Variants in CAMTA1 observed in about 807,000 individuals in gnomAD.
CAMTA1 encodes calmodulin-binding transcription activator 1.
A neutral mutation model predicts 170.9 loss-of-function variants in CAMTA1; 27 were observed. That is an observed-to-expected ratio of 0.16 (90% confidence interval 0.12 to 0.22). CAMTA1 has a LOEUF of 0.22. Ranked by LOEUF, CAMTA1 falls within the 10% of genes least tolerant of loss-of-function variation. CAMTA1 has a pLI of 1.00. For synonymous variants in CAMTA1, 833 were observed against 891.5 expected, an observed-to-expected ratio of 0.93 and a Z score of 1.17; for missense variants, 1,619 against 2,217.2, an observed-to-expected ratio of 0.73 and a Z score of 5.42.
chr1:6,820,184 G>A lies in CAMTA1; in HGVS notation c.49G>A (p.Val17Ile), dbSNP rs572304401. ...ATTTTATTTTCTGTTTCCTTAGAGCGTTTCCCAAAGTGTATTCTGCGGAAC... is the reference window on the plus strand; with the variant it reads ...ATTTTATTTTCTGTTTCCTTAGAGCATTTCCCAAAGTGTATTCTGCGGAAC... ...KWLPKTSRKS[V>I]SQSVFCGTST... is the part of the protein sequence containing the mutation. The change falls in exon 2 of 23, where the codon GTT becomes ATT. Residue 17 changes from valine (V) to isoleucine (I), a missense_variant. This residue lies in a region of CAMTA1 where 61 missense variants were observed against 57.7 expected (regional missense o/e 1.06). Transcript: ENST00000303635. 7.1e-5 allele frequency: 109 copies of A among 1,537,306 alleles called. 2 individuals are homozygous for A. In the South Asian group the frequency reaches 1.1e-3, roughly 16 times the overall value.
rs1641708604 is a variant in CAMTA1 at position 7,093,403 on chromosome 1, T to C, written c.302+2032T>C. On this transcript the variant is annotated intron_variant, in intron 4 of 22. Transcript: ENST00000303635. The surrounding 1 kb of genome is among the most constrained non-coding windows in gnomAD (Gnocchi z 4.6). Reference sequence around the variant, plus strand: ...TCCTGACTTCCAAGGGTGGCCCTTATCTCAAGCAGCCGCCAGCCTCTCCTT... The same window carrying C: ...TCCTGACTTCCAAGGGTGGCCCTTACCTCAAGCAGCCGCCAGCCTCTCCTT... 6.6e-6 allele frequency among the ~76,000 whole-genome samples: 1 copy of C among 152,100 alleles called. No individual in the cohort carries two copies. The highest frequency in any genetic ancestry group is 2.4e-5 in the African/African-American group (1 of 41,432).
chr1:7,051,709 G>GTTTGCCAGGACAGACTCATCCCTT, intron 3 of CAMTA1, among the ~76,000 whole-genome samples: 1 of 152,116 alleles, frequency 6.6e-6, no homozygotes, highest in South Asian at 2.1e-4. Flanking sequence ...ACTCATCCCT[G>GTTTGCCAGGACAGACTCATCCCTT]TTTGCCAGGA....
intron 3 of CAMTA1, among the ~76,000 whole-genome samples, chr1:6,830,677 C>T (rs900263827): frequency 1.3e-5 from 2 of 151,996 alleles, no homozygotes; most frequent in South Asian, 2.1e-4. Flanking sequence ...TTATGTATTA[C>T]AATATAAACT....
intron 6 of CAMTA1, among the ~76,000 whole-genome samples, chr1:7,505,592 G>C (rs952591590): frequency 2.0e-5 from 3 of 152,190 alleles, no homozygotes; most frequent in African/African-American, 4.8e-5. Context: ...GGGACCTGGC[G>C]GTGCCCCAGG....
At chr1:7,040,894 C>T (rs1704345469) in intron 3 of CAMTA1, among the ~76,000 whole-genome samples, 1 of 152,064 alleles carries the variant, frequency 6.6e-6, no homozygotes, top group Non-Finnish European at 1.5e-5. Flanking sequence ...CCCAGCTAAT[C>T]TTTGTTTTTA....
rs1376126043 is a variant in CAMTA1, at chr1:7,050,834, T to C, written c.235-40470T>C. Reference sequence around the variant, plus strand: ...AAGAGGGGACTCTGGGAAGGAGAAATGGGAACATCACACTGGGGTATTTAT... The same window carrying C: ...AAGAGGGGACTCTGGGAAGGAGAAACGGGAACATCACACTGGGGTATTTAT... On this transcript the variant is annotated intron_variant, in intron 3 of 22. Transcript: ENST00000303635. The surrounding 1 kb of genome is among the most constrained non-coding windows in gnomAD (Gnocchi z 4.8). 6.6e-6 allele frequency among the ~76,000 whole-genome samples: 1 copy of C among 151,936 alleles called. No homozygotes were observed. Among genetic ancestry groups the C allele is most frequent in the Admixed American group, 6.5e-5 (1 of 15,270 alleles).
At chr1:7,045,740 C>T (rs906474739) in intron 3 of CAMTA1, among the ~76,000 whole-genome samples, 3 of 152,188 alleles carry the variant, frequency 2.0e-5, no homozygotes, top group South Asian at 2.1e-4. Flanking sequence ...TTAAAAGTCT[C>T]CTCTTGAAGA....
chr1:7,414,534 G>A (rs1315426237), intron 5 of CAMTA1, among the ~76,000 whole-genome samples: 2 of 152,154 alleles, frequency 1.3e-5, no homozygotes, highest in Non-Finnish European at 2.9e-5. Context: ...AGATTTTCTA[G>A]TTTATTTGCG....
chr1:7,704,193 G>A (rs2096477374), intron 11 of CAMTA1, among the ~76,000 whole-genome samples: 1 of 148,394 alleles, frequency 6.7e-6, no homozygotes, highest in Non-Finnish European at 1.5e-5. Flanking sequence ...GGCCGCGCAG[G>A]GAGCCCGAGC....
chr1:7,150,529 C>A (rs533883112), intron 4 of CAMTA1, among the ~76,000 whole-genome samples: 2 of 152,186 alleles, frequency 1.3e-5, no homozygotes, highest in African/African-American at 4.8e-5. Context: ...CCATCCTGGG[C>A]ATGGAAGCAT....
At chr1:7,655,592 CT>C (rs1161741055) in intron 7 of CAMTA1, among the ~76,000 whole-genome samples, 6 of 79,424 alleles carry the variant, frequency 7.6e-5, no homozygotes, top group South Asian at 4.7e-4. Context: ...ACAAACACCC[CT>C]ATACACACAC....
At chr1:7,660,298 C>T (rs1272733121) in intron 7 of CAMTA1, among the ~76,000 whole-genome samples, 2 of 152,336 alleles carry the variant, frequency 1.3e-5, no homozygotes. Context: ...AACTCCTGAC[C>T]TCAGGTGATC....
intron 6 of CAMTA1, among the ~76,000 whole-genome samples, chr1:7,490,801 G>A (rs554413086): frequency 2.3e-3 from 347 of 152,310 alleles, no homozygotes; most frequent in African/African-American, 8.0e-3. Flanking sequence ...TTGTCAGGCC[G>A]AGATCCTCTC....
intron 6 of CAMTA1, among the ~76,000 whole-genome samples, chr1:7,496,737 G>A (rs1429049587): frequency 3.3e-5 from 5 of 152,096 alleles, no homozygotes; most frequent in African/African-American, 7.2e-5. Context: ...TTGGAAGGTC[G>A]TGTTGTTGAT....
chr1:7,230,437 C>A (rs1030408501), intron 4 of CAMTA1, among the ~76,000 whole-genome samples: 1 of 78,826 alleles, frequency 1.3e-5, no homozygotes, highest in Non-Finnish European at 2.7e-5. Context: ...GGCTGACCCC[C>A]CCCCCCCGCC....
intron 6 of CAMTA1, among the ~76,000 whole-genome samples, chr1:7,590,762 C>T (rs767735283): frequency 6.6e-6 from 1 of 152,188 alleles, no homozygotes; most frequent in Non-Finnish European, 1.5e-5. Context: ...AGAGACTGGG[C>T]AGTGGGTGTC....
rs539375918 is a variant in CAMTA1 at position 7,249,712 on chromosome 1, C to T, written c.438+86C>T. 2 of 1,456,030 alleles carry T rather than the reference C, an allele frequency of 1.4e-6. No individual in the cohort carries two copies. Among genetic ancestry groups the T allele is most frequent in the South Asian group, 1.4e-5 (1 of 73,610 alleles). The allele number at this position is 1,456,030 out of a possible 1,614,324, so 90.2% of individuals were successfully genotyped here. On this transcript the variant is annotated intron_variant, in intron 5 of 22. Coordinates refer to ENST00000303635, the MANE Select transcript of CAMTA1 (RefSeq NM_015215.4). This position sits in a 1 kb window ranked among gnomAD's most constrained non-coding sequence, Gnocchi z 4.4. ...TGGAATTGCTTGGAGTAATTTGATG[C>T]GAGTCACCTCTGTCCAAAGAATTTT...
intron 5 of CAMTA1, among the ~76,000 whole-genome samples, chr1:7,352,771 A>T (rs950235943): frequency 2.0e-5 from 3 of 152,142 alleles, no homozygotes; most frequent in Admixed American, 1.3e-4. Flanking sequence ...AGACCTTTCC[A>T]AGTATCTCAC....
intron 6 of CAMTA1, among the ~76,000 whole-genome samples, chr1:7,509,059 G>C (rs569813006): frequency 6.6e-6 from 1 of 152,280 alleles, no homozygotes; most frequent in African/African-American, 2.4e-5. Context: ...GGCTGCTGTG[G>C]GTCCCCCCAG....
Sources: allele counts gnomAD v4.1 joint callset (sites outside exome capture counted in the v4.1 genomes callset), GRCh38; gene constraint gnomAD v4.1.1; regional missense constraint gnomAD v4.1.1; non-coding constraint Gnocchi (gnomAD v3.1); transcripts MANE v1.5; gene names NCBI Gene and HGNC (gene_info 2026-07-23, HGNC 2026-07-21).